Variants in CCDC122 observed in about 807,000 individuals in gnomAD.
The protein encoded by CCDC122 is coiled-coil domain-containing protein 122.
A neutral mutation model predicts 37.0 loss-of-function variants in CCDC122; 38 were observed. That is an observed-to-expected ratio of 1.03 (90% CI 0.79 to 1.35). The LOEUF (loss-of-function observed/expected upper bound fraction) is 1.35, where lower values mean the gene tolerates loss of function less well. Among genes scored for constraint, CCDC122 ranks in the 40% most tolerant of loss-of-function variants. The probability of loss-of-function intolerance (pLI) is 0.00; values close to 1 mark genes in which losing one functional copy is unlikely to be tolerated. For synonymous variants in CCDC122, 83 were observed against 95.6 expected (o/e 0.87, Z 0.77); for missense variants, 305 against 310.0 (o/e 0.98, Z 0.12).
At chr13:43,870,741 A>G (rs765977428) in intron 2 of CCDC122, among the ~76,000 whole-genome samples, 1 of 152,154 alleles carries the variant, frequency 6.6e-6, no homozygotes, top group Non-Finnish European at 1.5e-5. Context: ...ACACAAATGG[A>G]TATAAGAATT....
chr13:43,852,968 A>G (rs76130654), intron 6 of CCDC122, among the ~76,000 whole-genome samples: 5,342 of 152,276 alleles, frequency 0.035, 297 homozygotes, highest in African/African-American at 0.12. Context: ...GACCTGCCTT[A>G]TAAGAGCTCC....
chr13:43,837,855 T>G (rs191308519), intron 6 of CCDC122, among the ~76,000 whole-genome samples: 172 of 152,308 alleles, frequency 1.1e-3, no homozygotes, highest in African/African-American at 3.9e-3. Context: ...GGGACTCTAC[T>G]TTGAGTCCCT....
rs1954564580 is a variant in CCDC122, at chr13:43,874,944, A to G, written c.-199-17T>C. On this transcript the variant is annotated splice_polypyrimidine_tract_variant and intron_variant, in intron 1 of 6. Transcript: ENST00000444614. ...TTCAGGGCACTGAAAAAGAAAGAAAACAGAGGGTTTGTACTGTTCCTTACC... is the reference window on the plus strand; with the variant it reads ...TTCAGGGCACTGAAAAAGAAAGAAAGCAGAGGGTTTGTACTGTTCCTTACC... The G allele has an allele frequency of 6.6e-6, 1 of 152,212 alleles. No homozygotes were observed. The highest frequency in any genetic ancestry group is 2.1e-4 in the South Asian group (1 of 4,828). The allele number at this position is 152,212 out of a possible 1,614,324, so 9.4% of individuals were successfully genotyped here.
chr13:43,875,195 A>G lies in CCDC122; in HGVS notation c.-199-268T>C, dbSNP rs116857652. ...GATTTCTACCTCTGGGACAGAAGTT[A>G]TATAGACCTTTGGTGAAATCCAGTT... is the stretch of plus-strand genomic sequence containing the variant. On this transcript the variant is annotated intron_variant, in intron 1 of 6. Coordinates refer to ENST00000444614, the MANE Select transcript of CCDC122 (RefSeq NM_144974.5). Among the ~76,000 whole-genome samples, 43 of 152,344 alleles carry G rather than the reference A, an allele frequency of 2.8e-4. No individual in the cohort carries two copies. In the East Asian group the frequency reaches 8.3e-3, roughly 29 times the overall value.
chr13:43,855,908 G>T (rs946048002), intron 6 of CCDC122: 1 of 152,152 alleles, frequency 6.6e-6, no homozygotes, highest in Non-Finnish European at 1.5e-5. Context: ...ACATACACGT[G>T]TAAGTGCATT....
At chr13:43,822,454 T>C (rs1441840546), downstream of CCDC122, among the ~76,000 whole-genome samples, 1 of 152,200 alleles carries the variant, frequency 6.6e-6, no homozygotes, top group Non-Finnish European at 1.5e-5. Flanking sequence ...CCGCCTATGA[T>C]CACTCAAGGC....
chr13:43,855,643 AG>A (rs1953883243), intron 6 of CCDC122: 2 of 151,880 alleles, frequency 1.3e-5, no homozygotes, highest in Non-Finnish European at 2.9e-5. Context: ...CAAAACCACA[AG>A]GAGATACCAT....
intron 4 of CCDC122, among the ~76,000 whole-genome samples, chr13:43,865,770 T>C (rs1253952890): frequency 6.6e-6 from 1 of 152,186 alleles, no homozygotes; most frequent in African/African-American, 2.4e-5. Flanking sequence ...GCCAGGAATT[T>C]ATTTTTTCTT....
intron 2 of CCDC122, among the ~76,000 whole-genome samples, chr13:43,870,710 C>T (rs866581838): frequency 5.3e-5 from 8 of 151,626 alleles, no homozygotes; most frequent in African/African-American, 1.9e-4. Flanking sequence ...GTTCATTTTA[C>T]AAAAAAAAGT....
chr13:43,847,458 GAA>G (rs1953581513), intron 6 of CCDC122, among the ~76,000 whole-genome samples: 1 of 152,028 alleles, frequency 6.6e-6, no homozygotes. Context: ...AAAGAAGTGG[GAA>G]AATAGAGTCC....
downstream of CCDC122, among the ~76,000 whole-genome samples, chr13:43,834,181 C>A (rs1050728239): frequency 3.9e-5 from 6 of 152,172 alleles, no homozygotes; most frequent in Admixed American, 1.3e-4. Flanking sequence ...TGATCTTTGA[C>A]AAACCTGGCA....
chr13:43,869,380 C>G lies in CCDC122; in HGVS notation c.-4G>C. Reference sequence around the variant, plus strand: ...TCCTTTCTTTGTTGTCTGACATTTTCTGTGTCTGTAATCTCTTTTCCCCTT... The same window carrying G: ...TCCTTTCTTTGTTGTCTGACATTTTGTGTGTCTGTAATCTCTTTTCCCCTT... On this transcript the variant is annotated 5_prime_UTR_variant, in exon 3 of 7. Coordinates refer to ENST00000444614, the MANE Select transcript of CCDC122 (RefSeq NM_144974.5). The G allele has an allele frequency of 6.2e-7, 1 of 1,606,378 alleles. No individual in the cohort carries two copies. Among genetic ancestry groups the G allele is most frequent in the Non-Finnish European group, 8.5e-7 (1 of 1,174,876 alleles).
chr13:43,857,907 A>C (rs569800444), intron 6 of CCDC122, among the ~76,000 whole-genome samples: 10 of 152,274 alleles, frequency 6.6e-5, no homozygotes, highest in South Asian at 2.1e-4. Flanking sequence ...CGTCTCAAAA[A>C]TAAAGAAAAA....
chr13:43,855,036 A>C (rs4053664), intron 6 of CCDC122: 77,190 of 151,926 alleles, frequency 0.51, 20,043 homozygotes, highest in African/African-American at 0.6. Flanking sequence ...ATGGGCAAAA[A>C]CCAGAGGCAT....
chr13:43,876,476 T>TG (rs1330465514), intron 1 of CCDC122, among the ~76,000 whole-genome samples: 1 of 152,216 alleles, frequency 6.6e-6, no homozygotes, highest in African/African-American at 2.4e-5. Flanking sequence ...TCAATTAAAA[T>TG]GGAGAGGCGC....
chr13:43,826,415 A>G (rs972586350), intron 3 of CCDC122, among the ~76,000 whole-genome samples: 1 of 152,138 alleles, frequency 6.6e-6, no homozygotes, highest in African/African-American at 2.4e-5. Context: ...TCGTTTATTT[A>G]TTAGCTACCC....
downstream of CCDC122, among the ~76,000 whole-genome samples, chr13:43,832,825 C>T (rs1953102713): frequency 6.6e-6 from 1 of 152,118 alleles, no homozygotes; most frequent in African/African-American, 2.4e-5. Context: ...CAACCTAAGC[C>T]TCAGTTTCCT....
chr13:43,875,232 G>C (rs12875052), intron 1 of CCDC122, among the ~76,000 whole-genome samples: 56,035 of 152,004 alleles, frequency 0.37, 12,614 homozygotes, highest in Non-Finnish European at 0.52. Flanking sequence ...TAACCTACCT[G>C]CTTGTCTCAT....
chr13:43,837,608 T>C (rs915620536), intron 6 of CCDC122, among the ~76,000 whole-genome samples, 179 bp from the exon 7 acceptor site: 1 of 149,022 alleles, frequency 6.7e-6, no homozygotes, highest in African/African-American at 2.6e-5. Context: ...TATTACATGT[T>C]AGATACTGTG....
Sources: allele counts gnomAD v4.1 joint callset (sites outside exome capture counted in the v4.1 genomes callset), GRCh38; gene constraint gnomAD v4.1.1; transcripts MANE v1.5; gene names NCBI Gene and HGNC (gene_info 2026-07-23, HGNC 2026-07-21).